GALNTL6: variants seen among roughly 807,000 people sequenced by gnomAD.
The protein encoded by GALNTL6 is polypeptide N-acetylgalactosaminyltransferase-like 6.
A neutral mutation model predicts 73.7 loss-of-function variants in GALNTL6; 46 were observed. The ratio of observed to expected loss-of-function variants is 0.62; its 90% CI spans 0.49 to 0.80. The LOEUF (loss-of-function observed/expected upper bound fraction) is 0.80. Among genes scored for constraint, GALNTL6 ranks in the 30% least tolerant of loss-of-function variants. GALNTL6 has a pLI of 0.00. For synonymous variants in GALNTL6, 259 were observed against 263.7 expected (o/e 0.98, Z 0.17); for missense variants, 604 against 755.0 (o/e 0.80, Z 2.34).
chr4:172,802,016 C>T (rs1419671315), intron 5 of GALNTL6, among the ~76,000 whole-genome samples: 1 of 152,056 alleles, frequency 6.6e-6, no homozygotes, highest in Admixed American at 6.5e-5. Flanking sequence ...TTCAGGATTC[C>T]CTTTCCACTT....
chr4:172,093,129 C>T (rs1732253027), intron 2 of GALNTL6, among the ~76,000 whole-genome samples: 2 of 152,058 alleles, frequency 1.3e-5, no homozygotes, highest in Admixed American at 6.6e-5. Flanking sequence ...ACCTCAGCCT[C>T]CCAAAGTGCT....
intron 5 of GALNTL6, among the ~76,000 whole-genome samples, chr4:172,461,661 G>T (rs911088360): frequency 2.0e-5 from 3 of 152,156 alleles, no homozygotes; most frequent in African/African-American, 7.2e-5. Context: ...TTACTAAATT[G>T]TAAAAGAGAA....
intron 4 of GALNTL6, among the ~76,000 whole-genome samples, chr4:172,346,804 AG>A (rs774946470): frequency 1.3e-5 from 2 of 152,064 alleles, no homozygotes; most frequent in Non-Finnish European, 1.5e-5. Flanking sequence ...CATGTGTACT[AG>A]TAATTTGATA....
intron 4 of GALNTL6, among the ~76,000 whole-genome samples, chr4:172,332,844 G>A (rs532937473): frequency 1.3e-5 from 2 of 152,196 alleles, no homozygotes; most frequent in East Asian, 3.9e-4. Flanking sequence ...AGATCAAATG[G>A]TAATTCTATT....
At chr4:172,799,250 C>T (rs979426380) in intron 5 of GALNTL6, among the ~76,000 whole-genome samples, 4 of 152,194 alleles carry the variant, frequency 2.6e-5, no homozygotes, top group African/African-American at 9.7e-5. Flanking sequence ...ATGTTAAGTA[C>T]TCTATAGTCA....
intron 5 of GALNTL6, among the ~76,000 whole-genome samples, chr4:172,429,930 T>A (rs1363365238): frequency 6.6e-6 from 1 of 152,088 alleles, no homozygotes; most frequent in African/African-American, 2.4e-5. Flanking sequence ...ATCTCAGAAA[T>A]TCATACCAAT....
chr4:172,842,183 A>G (rs1743248648), intron 7 of GALNTL6, among the ~76,000 whole-genome samples: 1 of 152,182 alleles, frequency 6.6e-6, no homozygotes, highest in African/African-American at 2.4e-5. Context: ...ATTTATTTAA[A>G]CTGTACTTAA....
At chr4:172,588,364 C>T (rs1737502792) in intron 5 of GALNTL6, among the ~76,000 whole-genome samples, 2 of 151,828 alleles carry the variant, frequency 1.3e-5, no homozygotes, top group Non-Finnish European at 2.9e-5. Context: ...GAGGCCGAAG[C>T]GAGCAGATCA....
rs375913931 is a variant in GALNTL6, at chr4:172,905,888, G to A, written c.1041+22981G>A. On this transcript the variant is annotated intron_variant, in intron 8 of 12. Coordinates refer to ENST00000506823, the MANE Select transcript of GALNTL6 (RefSeq NM_001034845.3). ...CCTAAATTTATCCTTAACAAAACTG[G>A]AATCTTACCCCCAACCACGACCTAT... Among the ~76,000 whole-genome samples the A allele has an allele frequency of 1.2e-4, 17 of 147,364 alleles. No homozygotes were observed. The South Asian group carries it at 3.4e-3, about 30-fold the overall frequency.
intron 5 of GALNTL6, among the ~76,000 whole-genome samples, chr4:172,690,856 A>G (rs1004368711): frequency 1.3e-5 from 2 of 152,302 alleles, no homozygotes; most frequent in East Asian, 1.9e-4. Context: ...GATGTTTATT[A>G]TATTAATATG....
intron 5 of GALNTL6, among the ~76,000 whole-genome samples, chr4:172,350,724 A>T (rs540635884): frequency 3.3e-5 from 5 of 152,130 alleles, no homozygotes; most frequent in Non-Finnish European, 5.9e-5. Context: ...AATACATCAT[A>T]ATTTTTAAAT....
At chr4:171,899,348 G>A (rs560556561) in intron 2 of GALNTL6, among the ~76,000 whole-genome samples, 118 of 152,130 alleles carry the variant, frequency 7.8e-4, no homozygotes, top group African/African-American at 2.7e-3. Flanking sequence ...ATGGCTTTGT[G>A]TGTTTACAGA....
At chr4:172,464,465 T>C (rs1205486574) in intron 5 of GALNTL6, among the ~76,000 whole-genome samples, 1 of 152,036 alleles carries the variant, frequency 6.6e-6, no homozygotes, top group Non-Finnish European at 1.5e-5. Context: ...CCCAGCATTT[T>C]GGGAGGCTGA....
Position 172,809,333 on chromosome 4 carries a change from T to C in GALNTL6, c.554-28T>C, listed in dbSNP as rs1334450598. 26 of 1,598,942 alleles carry C rather than the reference T, an allele frequency of 1.6e-5. No homozygotes were observed. In the East Asian group the frequency reaches 3.8e-4, roughly 23 times the overall value. On this transcript the variant is annotated intron_variant, in intron 5 of 12. Coordinates refer to ENST00000506823, the MANE Select transcript of GALNTL6 (RefSeq NM_001034845.3). The surrounding 1 kb of genome is among the most constrained non-coding windows in gnomAD (Gnocchi z 4.4). Reference sequence around the variant, plus strand: ...AGCTGCAACTAATGTTTTGCGTTTTTTCTATGCATTCTCTACTTCCTACCT... The same window carrying C: ...AGCTGCAACTAATGTTTTGCGTTTTCTCTATGCATTCTCTACTTCCTACCT...
At chr4:172,753,971 A>C (rs138420588) in intron 5 of GALNTL6, among the ~76,000 whole-genome samples, 2,220 of 152,250 alleles carry the variant, frequency 0.015, 22 homozygotes, top group Non-Finnish European at 0.024. Flanking sequence ...GGAAGAATAG[A>C]TTTGGGTTGA....
intron 5 of GALNTL6, among the ~76,000 whole-genome samples, chr4:172,780,840 C>T (rs1258838053): frequency 3.3e-5 from 5 of 152,214 alleles, no homozygotes; most frequent in South Asian, 4.1e-4. Flanking sequence ...GCTGACACCT[C>T]TGGGCCCTGC....
intron 5 of GALNTL6, among the ~76,000 whole-genome samples, chr4:172,788,671 CAA>C (rs36046571): frequency 6.4e-5 from 5 of 78,362 alleles, no homozygotes; most frequent in African/African-American, 2.7e-4. Flanking sequence ...GACTCCGTCT[CAA>C]AAAAAAAAAA....
intron 5 of GALNTL6, among the ~76,000 whole-genome samples, chr4:172,576,521 A>G (rs1484795826): frequency 6.6e-6 from 1 of 152,204 alleles, no homozygotes; most frequent in Non-Finnish European, 1.5e-5. Context: ...AGGAAAGCCC[A>G]TGTGGAATCC....
chr4:172,608,191 A>AT (rs1486151637), intron 5 of GALNTL6, among the ~76,000 whole-genome samples: 5 of 152,116 alleles, frequency 3.3e-5, no homozygotes, highest in Non-Finnish European at 5.9e-5. Context: ...CATCTTCATC[A>AT]TGAACTCTTT....
Sources: allele counts gnomAD v4.1 joint callset (sites outside exome capture counted in the v4.1 genomes callset), GRCh38; gene constraint gnomAD v4.1.1; non-coding constraint Gnocchi (gnomAD v3.1); transcripts MANE v1.5; gene names NCBI Gene and HGNC (gene_info 2026-07-23, HGNC 2026-07-21).